Variants in FBXL20 observed in about 807,000 individuals in gnomAD.
FBXL20 encodes F-box and leucine rich repeat protein 20.
Under a neutral mutation model 64.0 loss-of-function variants are expected in FBXL20, and 11 were observed. That is an observed-to-expected ratio of 0.17 (90% CI 0.11 to 0.28). The LOEUF (loss-of-function observed/expected upper bound fraction) is 0.28. FBXL20 is among the 10% of genes least tolerant of loss of function. The pLI is 1.00. For synonymous variants in FBXL20, 184 were observed against 189.0 expected, an observed-to-expected ratio of 0.97 and a Z score of 0.22; for missense variants, 303 against 526.2, an observed-to-expected ratio of 0.58 and a Z score of 4.15.
At chr17:39,399,892 A>T (rs1206643987) in intron 1 of FBXL20, among the ~76,000 whole-genome samples, 2 of 152,232 alleles carry the variant, frequency 1.3e-5, no homozygotes, top group Admixed American at 1.3e-4. Flanking sequence ...AGCTAATTCC[A>T]CAGGCAAAAG....
At chr17:39,280,956 G>A (rs567798411) in intron 9 of FBXL20, among the ~76,000 whole-genome samples, 37 of 152,192 alleles carry the variant, frequency 2.4e-4, no homozygotes, top group Non-Finnish European at 4.3e-4. Flanking sequence ...TAGAGACGGG[G>A]TTTTGTCATG....
intron 2 of FBXL20, among the ~76,000 whole-genome samples, chr17:39,341,896 G>A (rs2338800): frequency 6.6e-6 from 1 of 152,018 alleles, no homozygotes; most frequent in Non-Finnish European, 1.5e-5. Flanking sequence ...TCAACATGTA[G>A]TAGAGTGAGG....
chr17:39,290,663 C>G (rs1260759297), intron 6 of FBXL20, among the ~76,000 whole-genome samples: 1 of 152,018 alleles, frequency 6.6e-6, no homozygotes. Flanking sequence ...CTCCTGGACC[C>G]AAGCGATCCT....
intron 5 of FBXL20, 128 bp from the exon 6 acceptor site, chr17:39,297,323 A>C (rs1264370450): frequency 1.4e-5 from 7 of 499,412 alleles, no homozygotes; most frequent in Non-Finnish European, 2.1e-5. Flanking sequence ...ATATAAAGGA[A>C]AAACATGTAT....
chr17:39,329,721 G>A (rs1220002549), intron 2 of FBXL20, among the ~76,000 whole-genome samples: 1 of 152,132 alleles, frequency 6.6e-6, no homozygotes, highest in African/African-American at 2.4e-5. Flanking sequence ...AAAAAGGTCG[G>A]GTATGGTGGC....
At chr17:39,322,589 T>TACTCC (rs2047367457) in intron 2 of FBXL20, among the ~76,000 whole-genome samples, 1 of 152,190 alleles carries the variant, frequency 6.6e-6, no homozygotes, top group East Asian at 1.9e-4. Flanking sequence ...ATGAGTAGAA[T>TACTCC]ACTCCCGTTT....
At chr17:39,309,559 G>A (rs894931111) in intron 2 of FBXL20, among the ~76,000 whole-genome samples, 5 of 151,954 alleles carry the variant, frequency 3.3e-5, no homozygotes, top group African/African-American at 9.7e-5. Flanking sequence ...AGGCTGGAGT[G>A]CAATGGTGCG....
intron 2 of FBXL20, among the ~76,000 whole-genome samples, chr17:39,319,192 C>T (rs1597795236): frequency 6.7e-6 from 1 of 150,286 alleles, no homozygotes; most frequent in Non-Finnish European, 1.5e-5. Flanking sequence ...GAGGTTGCAG[C>T]GAGTTGAGAT....
In FBXL20 at chr17:39,257,897, G is replaced by A. The variant is rs910422873; in HGVS notation, c.*3563C>T. ...AAATAAGCTGGAGTCAGCTCAATGG[G>A]GCTGATGAAGAGGATGAAAAGACAT... On this transcript the variant is annotated 3_prime_UTR_variant, in exon 15 of 15. Transcript: ENST00000264658. The A allele has an allele frequency of 1.3e-5, 2 of 152,998 alleles. No individual in the cohort carries two copies. Among genetic ancestry groups the A allele is most frequent in the Non-Finnish European group, 2.9e-5 (2 of 68,072 alleles). The allele number at this position is 152,998 out of a possible 1,614,324, so 9.5% of individuals were successfully genotyped here. A position where few individuals can be genotyped will look rare whatever the true frequency, so the allele number is the denominator to read the frequency against.
chr17:39,265,299 A>G, intron 13 of FBXL20, 98 bp downstream of exon 13: 1 of 901,632 alleles, frequency 1.1e-6, no homozygotes, highest in Non-Finnish European at 1.7e-6. Flanking sequence ...ATCCTTTCCT[A>G]AAATGGTAGC....
At chr17:39,299,415 T>C (rs1253159134) in intron 4 of FBXL20, among the ~76,000 whole-genome samples, 1 of 152,206 alleles carries the variant, frequency 6.6e-6, no homozygotes, top group African/African-American at 2.4e-5. Flanking sequence ...AACTACATTA[T>C]TTTTTTGTAT....
intron 1 of FBXL20, among the ~76,000 whole-genome samples, chr17:39,353,802 T>C (rs2047710913): frequency 6.6e-6 from 1 of 151,998 alleles, no homozygotes; most frequent in Non-Finnish European, 1.5e-5. Flanking sequence ...TTTGTATTTT[T>C]AGTAGAGATG....
intron 2 of FBXL20, among the ~76,000 whole-genome samples, chr17:39,313,011 C>T (rs1383575200): frequency 2.0e-5 from 3 of 149,896 alleles, no homozygotes; most frequent in Admixed American, 6.7e-5. Flanking sequence ...CTCTGTCTCC[C>T]GGGTTCAAGC....
intron 2 of FBXL20, among the ~76,000 whole-genome samples, chr17:39,313,977 C>T (rs746452325): frequency 3.9e-5 from 6 of 152,070 alleles, no homozygotes; most frequent in East Asian, 1.9e-4. Flanking sequence ...GTGCATAATT[C>T]GGTGATTTTT....
At chr17:39,378,003 C>A (rs2047984905) in intron 1 of FBXL20, among the ~76,000 whole-genome samples, 1 of 152,048 alleles carries the variant, frequency 6.6e-6, no homozygotes, top group Admixed American at 6.6e-5. Flanking sequence ...CAGAGCAAGA[C>A]CCTATCCTCC....
At chr17:39,380,249 T>G (rs1447844630) in intron 1 of FBXL20, among the ~76,000 whole-genome samples, 2 of 152,186 alleles carry the variant, frequency 1.3e-5, no homozygotes, top group Non-Finnish European at 2.9e-5. Flanking sequence ...TATGGCTTAC[T>G]TTGTAAGAAT....
At chr17:39,322,162 C>T (rs75808573) in intron 2 of FBXL20, among the ~76,000 whole-genome samples, 9 of 72,676 alleles carry the variant, frequency 1.2e-4, no homozygotes, top group Non-Finnish European at 9.1e-5. Flanking sequence ...ACTATCTCTA[C>T]CAAAAAAAAA....
At chr17:39,334,697 T>G (rs2047503479) in intron 2 of FBXL20, among the ~76,000 whole-genome samples, 1 of 152,232 alleles carries the variant, frequency 6.6e-6, no homozygotes, top group African/African-American at 2.4e-5. Flanking sequence ...ACAGTCCTTA[T>G]TCTGAAACCG....
At chr17:39,350,284 A>C (rs1041253190) in intron 1 of FBXL20, among the ~76,000 whole-genome samples, 1 of 152,152 alleles carries the variant, frequency 6.6e-6, no homozygotes, top group Non-Finnish European at 1.5e-5. Flanking sequence ...TGAGGCTGGG[A>C]GATCGAGACC....
Sources: gnomAD v4.1 joint callset for allele counts (sites outside exome capture counted in the v4.1 genomes callset) on GRCh38, gnomAD v4.1.1 for gene constraint, MANE v1.5 for transcripts, NCBI Gene and HGNC (gene_info 2026-07-23, HGNC 2026-07-21) for gene names.